DIS3L2: variants seen among roughly 807,000 people sequenced by gnomAD.
DIS3L2 encodes DIS3-like exonuclease 2.
In DIS3L2, 34 loss-of-function variants were observed where a neutral mutation model predicts 97.5. That is an observed-to-expected ratio of 0.35 (90% CI 0.27 to 0.46). The LOEUF (loss-of-function observed/expected upper bound fraction) is 0.46. DIS3L2 is among the 20% of genes least tolerant of loss of function. The pLI, the probability that DIS3L2 is intolerant of heterozygous loss-of-function variation, is 1.00. For missense variants in DIS3L2, 1,038 were observed against 1,146.0 expected, an observed-to-expected ratio of 0.91 and a Z score of 1.36; for synonymous variants, 435 against 445.2, an observed-to-expected ratio of 0.98 and a Z score of 0.29.
At chr2:232,109,970 C>G (rs1159345134) in intron 6 of DIS3L2, among the ~76,000 whole-genome samples, 1 of 152,104 alleles carries the variant, frequency 6.6e-6, no homozygotes, top group Non-Finnish European at 1.5e-5. Context: ...TGACAAAAGT[C>G]TAATATTTAG....
chr2:232,156,137 T>G (rs1486646920), intron 8 of DIS3L2, among the ~76,000 whole-genome samples: 1 of 152,210 alleles, frequency 6.6e-6, no homozygotes, highest in Non-Finnish European at 1.5e-5. Flanking sequence ...TAAACTCTAC[T>G]TGCCCAGTTT....
chr2:232,243,589 A>T (rs923561599), intron 11 of DIS3L2, among the ~76,000 whole-genome samples: 2 of 152,202 alleles, frequency 1.3e-5, no homozygotes, highest in African/African-American at 2.4e-5. Context: ...CAATGTGGTA[A>T]TGTCTAACTG....
intron 13 of DIS3L2, among the ~76,000 whole-genome samples, chr2:232,280,525 C>T (rs977955798): frequency 6.6e-6 from 1 of 152,204 alleles, no homozygotes; most frequent in South Asian, 2.1e-4. Context: ...ATGCTTTAAT[C>T]TCATAACTGA....
intron 6 of DIS3L2, among the ~76,000 whole-genome samples, chr2:232,123,591 C>T (rs971249549): frequency 1.3e-4 from 20 of 152,074 alleles, no homozygotes; most frequent in East Asian, 5.8e-4. Flanking sequence ...AGGGACTTTC[C>T]GTTAATCGTT....
At chr2:231,984,338 T>C (rs1693348434) in intron 1 of DIS3L2, among the ~76,000 whole-genome samples, 1 of 151,644 alleles carries the variant, frequency 6.6e-6, no homozygotes, top group South Asian at 2.1e-4. Flanking sequence ...TCTCACTCTG[T>C]CACCCAGGCT....
chr2:231,985,721 TG>T (rs1384422128), intron 1 of DIS3L2, among the ~76,000 whole-genome samples: 1 of 152,252 alleles, frequency 6.6e-6, no homozygotes, highest in Non-Finnish European at 1.5e-5. Context: ...AGAGTAAATT[TG>T]ACTACATCCT....
chr2:232,088,556 C>G (rs950728541), intron 6 of DIS3L2, among the ~76,000 whole-genome samples: 4 of 149,322 alleles, frequency 2.7e-5, no homozygotes, highest in African/African-American at 7.4e-5. Flanking sequence ...AGTGAGACTC[C>G]GTCTCAAAAA....
At chr2:232,336,277 TG>T (rs1485956174) in intron 20 of DIS3L2, 191 bp from the exon 21 acceptor site, 5 of 1,546,072 alleles carry the variant, frequency 3.2e-6, no homozygotes, top group Non-Finnish European at 4.4e-6. Context: ...GCGCTCAGGA[TG>T]CATCTGACTC....
At chr2:232,187,001 G>A (rs924285422) in intron 9 of DIS3L2, among the ~76,000 whole-genome samples, 2 of 152,098 alleles carry the variant, frequency 1.3e-5, no homozygotes, top group African/African-American at 4.8e-5. Flanking sequence ...GAAAGTGAAA[G>A]CATAACCCTC....
At chr2:232,024,192 A>T in intron 3 of DIS3L2, 85 bp from the exon 4 acceptor site, 1 of 1,022,136 alleles carries the variant, frequency 9.8e-7, no homozygotes, top group Non-Finnish European at 1.5e-6. Context: ...GTTTAATTTT[A>T]AAACTTTTTA....
intron 5 of DIS3L2, among the ~76,000 whole-genome samples, chr2:232,079,119 T>C (rs1184435538): frequency 6.6e-6 from 1 of 152,182 alleles, no homozygotes; most frequent in Admixed American, 6.5e-5. Flanking sequence ...TCCTAATTAA[T>C]TGTCATATTT....
In DIS3L2 at chr2:232,268,261, T is replaced by A. The variant is rs1256817079; in HGVS notation, c.1659+4821T>A. ...AGGAGCTTCACAACTGCATCTTGTA[T>A]AAATCCTACTTGGTGCAATTTTGAA... On this transcript the variant is annotated intron_variant, in intron 13 of 20. Coordinates refer to ENST00000325385, the MANE Select transcript of DIS3L2 (RefSeq NM_152383.5). This position sits in a 1 kb window ranked among gnomAD's most constrained non-coding sequence, Gnocchi z 4.1. Among the ~76,000 whole-genome samples, 1 of 152,246 alleles carries A rather than the reference T, an allele frequency of 6.6e-6. No individual in the cohort carries two copies. Among genetic ancestry groups the A allele is most frequent in the Non-Finnish European group, 1.5e-5 (1 of 68,046 alleles).
chr2:232,160,645 G>A (rs1485851965), intron 8 of DIS3L2, among the ~76,000 whole-genome samples: 1 of 152,122 alleles, frequency 6.6e-6, no homozygotes, highest in Admixed American at 6.5e-5. Flanking sequence ...GGAGGCCGAG[G>A]TGGGCAGATT....
At chr2:232,056,557 A>G (rs1695555353) in intron 5 of DIS3L2, among the ~76,000 whole-genome samples, 1 of 152,226 alleles carries the variant, frequency 6.6e-6, no homozygotes, top group Non-Finnish European at 1.5e-5. Context: ...ACTAGAATTT[A>G]TAAAGAATTC....
rs886055775 is a variant in DIS3L2, at chr2:232,336,838, G to A, written c.*208G>A. ...AAGGAAGGCTGAGGCCTGGTCAGCA[G>A]TGACCCCAGCAGAGCAGGCCCCAGT... On this transcript the variant is annotated 3_prime_UTR_variant, in exon 21 of 21. Transcript: ENST00000325385. The A allele has an allele frequency of 1.2e-4, 175 of 1,401,682 alleles. No homozygotes were observed. The highest frequency in any genetic ancestry group is 3.6e-4 in the African/African-American group (25 of 68,820). The allele number at this position is 1,401,682 out of a possible 1,614,324, so 86.8% of individuals were successfully genotyped here. A position where few individuals can be genotyped will look rare whatever the true frequency, so the allele number is the denominator to read the frequency against.
chr2:232,313,315 T>C (rs1450366071), intron 14 of DIS3L2, among the ~76,000 whole-genome samples: 1 of 152,232 alleles, frequency 6.6e-6, no homozygotes, highest in Non-Finnish European at 1.5e-5. Flanking sequence ...AGTGGTGATT[T>C]ATGAGCTAGG....
At chr2:232,289,035 A>G (rs73092108) in intron 13 of DIS3L2, among the ~76,000 whole-genome samples, 17,649 of 152,092 alleles carry the variant, frequency 0.12, 1,163 homozygotes, top group African/African-American at 0.16. Context: ...TCTGATTTCA[A>G]TATCACAGAT....
intron 9 of DIS3L2, among the ~76,000 whole-genome samples, chr2:232,176,360 T>C (rs1691152120): frequency 6.6e-6 from 1 of 152,216 alleles, no homozygotes; most frequent in Non-Finnish European, 1.5e-5. Flanking sequence ...TCTGTTTTGG[T>C]CAGCTTAGCT....
At chr2:232,262,014 C>T (rs1417877577) in intron 12 of DIS3L2, among the ~76,000 whole-genome samples, 3 of 152,184 alleles carry the variant, frequency 2.0e-5, no homozygotes, top group Non-Finnish European at 4.4e-5. Flanking sequence ...TCTGAGTGCC[C>T]TGTGTTGTCT....
Sources: gnomAD v4.1 joint callset for allele counts (sites outside exome capture counted in the v4.1 genomes callset) on GRCh38, gnomAD v4.1.1 for gene constraint, Gnocchi (gnomAD v3.1) non-coding constraint, MANE v1.5 for transcripts, NCBI Gene and HGNC (gene_info 2026-07-23, HGNC 2026-07-21) for gene names.